The following PLCL2 variants were observed in gnomAD, a reference collection of about 807,000 sequenced individuals.
PLCL2 encodes the protein inactive phospholipase C-like protein 2.
A neutral mutation model predicts 79.6 loss-of-function variants in PLCL2; 4 were observed. The ratio of observed to expected loss-of-function variants is 0.05; its 90% CI spans 0.02 to 0.11. The LOEUF is 0.11. PLCL2 is among the 10% of genes least tolerant of loss of function. PLCL2 has a pLI of 1.00. For missense variants in PLCL2, 895 were observed against 1,291.0 expected, an observed-to-expected ratio of 0.69 and a Z score of 4.70; for synonymous variants, 484 against 457.7, an observed-to-expected ratio of 1.06 and a Z score of -0.73.
At chr3:16,927,565 G>A (rs1260948141) in intron 1 of PLCL2, among the ~76,000 whole-genome samples, 2 of 152,276 alleles carry the variant, frequency 1.3e-5, no homozygotes, top group East Asian at 3.9e-4. Flanking sequence ...AAGGGACTTT[G>A]GTTGTAAAGG....
intron 1 of PLCL2, among the ~76,000 whole-genome samples, chr3:16,962,728 C>T (rs192443833): frequency 2.0e-5 from 3 of 152,110 alleles, no homozygotes; most frequent in South Asian, 4.2e-4. Context: ...ATTACTAGGG[C>T]CTTTCTAAAC....
intron 5 of PLCL2, among the ~76,000 whole-genome samples, chr3:17,073,584 G>A (rs2065081644): frequency 6.6e-6 from 1 of 152,136 alleles, no homozygotes; most frequent in South Asian, 2.1e-4. Context: ...AGATTTCTCT[G>A]TAGCGTGCAA....
chr3:17,004,746 C>T (rs1286699078), intron 1 of PLCL2, among the ~76,000 whole-genome samples: 1 of 152,114 alleles, frequency 6.6e-6, no homozygotes, highest in Non-Finnish European at 1.5e-5. Flanking sequence ...CCTTGCTGTG[C>T]TCATTTAATG....
chr3:17,004,094 A>G (rs7617779), intron 1 of PLCL2, among the ~76,000 whole-genome samples: 53,869 of 151,764 alleles, frequency 0.35, 10,102 homozygotes, highest in East Asian at 0.55. Flanking sequence ...CTTGTGTCCT[A>G]TTTCTCCTTG....
At chr3:17,029,310 T>C (rs1310980368) in intron 3 of PLCL2, among the ~76,000 whole-genome samples, 6 of 151,588 alleles carry the variant, frequency 4.0e-5, no homozygotes, top group African/African-American at 1.5e-4. Flanking sequence ...TTATCCTATC[T>C]GCAATTCCCT....
intron 4 of PLCL2, among the ~76,000 whole-genome samples, chr3:17,058,165 G>C (rs1447961089): frequency 6.6e-6 from 1 of 152,170 alleles, no homozygotes; most frequent in African/African-American, 2.4e-5. Flanking sequence ...TTGTCTAAGA[G>C]CCAAGGCAAG....
At chr3:17,014,102 A>G (rs1040150811) in intron 2 of PLCL2, among the ~76,000 whole-genome samples, 1 of 152,182 alleles carries the variant, frequency 6.6e-6, no homozygotes, top group Admixed American at 6.5e-5. Context: ...TGGTGATTAG[A>G]AAAAAGAGAG....
intron 4 of PLCL2, among the ~76,000 whole-genome samples, chr3:17,062,115 G>T (rs1307146255): frequency 1.3e-5 from 2 of 152,142 alleles, no homozygotes; most frequent in African/African-American, 4.8e-5. Flanking sequence ...AGCAACTGAG[G>T]CTCAAAGACA....
At chr3:17,080,220 T>C (rs1428370061) in intron 5 of PLCL2, among the ~76,000 whole-genome samples, 1 of 152,180 alleles carries the variant, frequency 6.6e-6, no homozygotes, top group Non-Finnish European at 1.5e-5. Context: ...AAAGCCTGTG[T>C]CCTGTTGCTG....
At chr3:17,045,938 G>T (rs930625792) in intron 4 of PLCL2, among the ~76,000 whole-genome samples, 1 of 152,148 alleles carries the variant, frequency 6.6e-6, no homozygotes, top group East Asian at 1.9e-4. Context: ...ACCAACTTTG[G>T]GGGTGAGGAA....
At chr3:17,014,954 A>T (rs1220863475) in intron 3 of PLCL2, 43 bp downstream of exon 3, 1 of 1,485,394 alleles carries the variant, frequency 6.7e-7, no homozygotes, top group African/African-American at 1.4e-5. Context: ...GGTGAGAGAG[A>T]TATCCTAAGA....
intron 3 of PLCL2, among the ~76,000 whole-genome samples, chr3:17,029,716 G>T (rs1351954954): frequency 6.6e-6 from 1 of 151,984 alleles, no homozygotes. Flanking sequence ...ACTGCTACAG[G>T]CCCCCACTCT....
At chr3:16,953,763 A>T (rs2063673809) in intron 1 of PLCL2, among the ~76,000 whole-genome samples, 1 of 151,920 alleles carries the variant, frequency 6.6e-6, no homozygotes, top group Admixed American at 6.6e-5. Flanking sequence ...AAACCTCCAT[A>T]GTTTTTTTTT....
intron 5 of PLCL2, among the ~76,000 whole-genome samples, chr3:17,080,599 C>T (rs893617716): frequency 1.3e-4 from 20 of 152,004 alleles, no homozygotes; most frequent in Admixed American, 1.2e-3. Flanking sequence ...TACAGTCGCC[C>T]GCCACCATGC....
At chr3:16,888,008 GTATT>G (rs1432844103) in intron 1 of PLCL2, among the ~76,000 whole-genome samples, 2 of 152,092 alleles carry the variant, frequency 1.3e-5, no homozygotes, top group Admixed American at 1.3e-4. Context: ...ACTGAGGCCG[GTATT>G]TATGGGGTTG....
At chr3:16,908,240 C>T (rs928138712) in intron 1 of PLCL2, among the ~76,000 whole-genome samples, 2 of 152,140 alleles carry the variant, frequency 1.3e-5, no homozygotes, top group African/African-American at 4.8e-5. Context: ...TTATCCCCAT[C>T]CTGTGTTATT....
At chr3:16,950,531 T>C (rs576791658) in intron 1 of PLCL2, among the ~76,000 whole-genome samples, 10 of 152,228 alleles carry the variant, frequency 6.6e-5, no homozygotes, top group South Asian at 4.1e-4. Flanking sequence ...TTTAAAATAC[T>C]GACAGTGTTG....
At chr3:16,959,897 G>C (rs1200885363) in intron 1 of PLCL2, among the ~76,000 whole-genome samples, 1 of 152,024 alleles carries the variant, frequency 6.6e-6, no homozygotes, top group East Asian at 1.9e-4. Flanking sequence ...CGAGGTCAGG[G>C]GATCAAGACC....
intron 1 of PLCL2, among the ~76,000 whole-genome samples, chr3:16,986,003 G>A (rs1027920791): frequency 6.6e-6 from 1 of 152,058 alleles, no homozygotes; most frequent in Non-Finnish European, 1.5e-5. Context: ...CTTTGGGCAT[G>A]TTATTGGGAG....
Sources: gnomAD v4.1 joint callset for allele counts (sites outside exome capture counted in the v4.1 genomes callset) on GRCh38, gnomAD v4.1.1 for gene constraint, MANE v1.5 for transcripts, NCBI Gene and HGNC (gene_info 2026-07-23, HGNC 2026-07-21) for gene names.